The following LYPD6B variants were observed in gnomAD, a reference collection of about 807,000 sequenced individuals.
The protein encoded by LYPD6B is ly6/PLAUR domain-containing protein 6B.
Under a neutral mutation model 22.8 loss-of-function variants are expected in LYPD6B, and 17 were observed. The observed-to-expected ratio is 0.75, with a 90% CI of 0.51 to 1.12. The LOEUF is 1.12. Ranked by LOEUF, LYPD6B falls within the 50% of genes most tolerant of loss-of-function variation. The pLI is 0.00. For missense variants in LYPD6B, 221 were observed against 258.3 expected (o/e 0.86, Z 0.99); for synonymous variants, 106 against 91.6 (o/e 1.16, Z -0.90).
chr2:149,058,873 G>T (rs1435221144), intron 1 of LYPD6B, among the ~76,000 whole-genome samples: 1 of 152,220 alleles, frequency 6.6e-6, no homozygotes, highest in Non-Finnish European at 1.5e-5. Flanking sequence ...ACTTGCCCTA[G>T]CCTCCCAAAG....
At chr2:149,154,058 T>G (rs1016145291) in intron 2 of LYPD6B, 16 of 970,198 alleles carry the variant, frequency 1.6e-5, no homozygotes, top group African/African-American at 1.8e-5. Flanking sequence ...GAAGATGGAG[T>G]TTTGTGGTAA....
chr2:149,145,622 T>C (rs1311571079), intron 2 of LYPD6B, among the ~76,000 whole-genome samples: 6 of 151,332 alleles, frequency 4.0e-5, no homozygotes, highest in Admixed American at 3.9e-4. Context: ...AAAGAGGGGG[T>C]GGATGGATCT....
chr2:149,170,694 CA>C (rs912145322), intron 3 of LYPD6B, among the ~76,000 whole-genome samples: 1 of 152,246 alleles, frequency 6.6e-6, no homozygotes, highest in East Asian at 1.9e-4. Flanking sequence ...TGTAGAAAAT[CA>C]AAAGAAAGTA....
intron 1 of LYPD6B, among the ~76,000 whole-genome samples, chr2:149,052,427 T>C (rs981414548): frequency 6.6e-6 from 1 of 152,120 alleles, no homozygotes; most frequent in Non-Finnish European, 1.5e-5. Flanking sequence ...GTCAGCAAGT[T>C]CTCTTTCCCT....
intron 2 of LYPD6B, among the ~76,000 whole-genome samples, chr2:149,140,948 C>A (rs1381435361): frequency 6.6e-6 from 1 of 152,146 alleles, no homozygotes. Context: ...TTCCCATCTG[C>A]AAATTTTATG....
chr2:149,052,183 A>C (rs952878035), intron 1 of LYPD6B, among the ~76,000 whole-genome samples: 3 of 151,284 alleles, frequency 2.0e-5, no homozygotes, highest in Admixed American at 1.3e-4. Flanking sequence ...CAGCCTCCCG[A>C]GTAGCTGGAA....
chr2:149,175,061 C>CTCTGTGTG lies in LYPD6B; in HGVS notation c.77+14227_77+14228insCTGTGTGT, dbSNP rs1454802925. On this transcript the variant is annotated intron_variant, in intron 3 of 6. Coordinates refer to ENST00000409642, the MANE Select transcript of LYPD6B (RefSeq NM_177964.5). ...TCTCTCTCTCTCTCTCTCTCTCTCTCTGTGTGTGTGTGTGTGTGTGTGTGT... is the reference window on the plus strand; with the variant it reads ...TCTCTCTCTCTCTCTCTCTCTCTCTCTCTGTGTGTGTGTGTGTGTGTGTGTGTGTGTGT... 2.3e-3 allele frequency among the ~76,000 whole-genome samples: 261 copies of CTCTGTGTG among 113,060 alleles called. 1 individual carries two copies. The highest frequency in any genetic ancestry group is 0.013 in the East Asian group (45 of 3,442). 74.2% of individuals were successfully genotyped at this position (113,060 alleles called of 152,430 possible).
chr2:149,062,944 T>C (rs1684159477), intron 1 of LYPD6B, among the ~76,000 whole-genome samples: 1 of 149,264 alleles, frequency 6.7e-6, no homozygotes, highest in African/African-American at 2.5e-5. Context: ...TTTTCCTGAG[T>C]GTCCCCTGTA....
chr2:149,162,362 G>A lies in LYPD6B; in HGVS notation c.77+1527G>A, dbSNP rs370780389. On this transcript the variant is annotated intron_variant, in intron 3 of 6. Transcript: ENST00000409642. ...ACCTTTTATAGTTGAGGAAACTGAG[G>A]CTTACCTAAGAGATTAGGTAAGTTG... Among the ~76,000 whole-genome samples, 54 of 152,262 alleles carry A rather than the reference G, an allele frequency of 3.5e-4. No homozygotes were observed. In the South Asian group the frequency reaches 3.9e-3, roughly 11 times the overall value.
chr2:149,049,632 C>T (rs1001517959), intron 1 of LYPD6B, among the ~76,000 whole-genome samples: 5 of 152,164 alleles, frequency 3.3e-5, no homozygotes, highest in African/African-American at 4.8e-5. Flanking sequence ...CAGTTTTATG[C>T]GCTAGATACT....
In LYPD6B at chr2:149,200,418, T is replaced by C. The variant is rs184836139; in HGVS notation, c.78-4835T>C. The stretch of plus-strand genomic sequence containing the variant: ...TGCCCACAACTTTTGTCTTGCTTAC[T>C]AGCTAAGGCACTCTTTATAGGTCAT... On this transcript the variant is annotated intron_variant, in intron 3 of 6. Coordinates refer to ENST00000409642, the MANE Select transcript of LYPD6B (RefSeq NM_177964.5). Among the ~76,000 whole-genome samples, 345 of 152,290 alleles carry C rather than the reference T, an allele frequency of 2.3e-3. 3 individuals are homozygous for C. The highest frequency in any genetic ancestry group is 7.8e-3 in the African/African-American group (323 of 41,578).
intron 1 of LYPD6B, among the ~76,000 whole-genome samples, chr2:149,046,761 G>A (rs1043993620): frequency 2.0e-5 from 3 of 151,852 alleles, no homozygotes; most frequent in Non-Finnish European, 4.4e-5. Flanking sequence ...TTCATTTGTA[G>A]TCTTATAGCA....
chr2:149,053,061 C>T (rs1253032177), intron 1 of LYPD6B, among the ~76,000 whole-genome samples: 5 of 152,048 alleles, frequency 3.3e-5, no homozygotes, highest in Non-Finnish European at 5.9e-5. Context: ...TTGATGAATT[C>T]TAATTAATTT....
intron 1 of LYPD6B, among the ~76,000 whole-genome samples, chr2:149,046,240 G>T (rs1371614400): frequency 6.6e-6 from 1 of 152,004 alleles, no homozygotes; most frequent in Non-Finnish European, 1.5e-5. Context: ...TGTTTGCATT[G>T]TATATCTTTT....
At chr2:149,089,787 GTATT>G (rs1301363589) in intron 1 of LYPD6B, among the ~76,000 whole-genome samples, 2 of 152,144 alleles carry the variant, frequency 1.3e-5, no homozygotes, top group African/African-American at 4.8e-5. Flanking sequence ...GCATTTTAAA[GTATT>G]TATTTCAAAA....
chr2:149,084,062 G>C (rs1438706417), intron 1 of LYPD6B, among the ~76,000 whole-genome samples: 1 of 152,194 alleles, frequency 6.6e-6, no homozygotes, highest in Admixed American at 6.5e-5. Flanking sequence ...TTGCACTGCT[G>C]CACTCCTGCC....
chr2:149,107,123 A>G (rs1381997496), intron 1 of LYPD6B, among the ~76,000 whole-genome samples: 4 of 152,216 alleles, frequency 2.6e-5, no homozygotes, highest in African/African-American at 9.6e-5. Flanking sequence ...AAAGTTATGT[A>G]AATGTGGTCT....
At chr2:149,179,826 G>A (rs1407902493) in intron 3 of LYPD6B, among the ~76,000 whole-genome samples, 1 of 152,184 alleles carries the variant, frequency 6.6e-6, no homozygotes, top group Non-Finnish European at 1.5e-5. Flanking sequence ...ATTAACAATA[G>A]GAAGCATAGC....
chr2:149,210,307 C>A (rs1693765454), intron 5 of LYPD6B, among the ~76,000 whole-genome samples: 1 of 152,106 alleles, frequency 6.6e-6, no homozygotes. Context: ...ACCAAGAAAA[C>A]ATCAGAGATG....
Sources: gnomAD v4.1 joint callset for allele counts (sites outside exome capture counted in the v4.1 genomes callset) on GRCh38, gnomAD v4.1.1 for gene constraint, MANE v1.5 for transcripts, NCBI Gene and HGNC (gene_info 2026-07-23, HGNC 2026-07-21) for gene names.